Variants in NARS1 observed in about 807,000 individuals in gnomAD.
NARS1 encodes asparaginyl-tRNA synthetase 1.
In NARS1, 65 loss-of-function variants were observed where a neutral mutation model predicts 79.2. The observed-to-expected ratio is 0.82, with a 90% CI of 0.67 to 1.01. The LOEUF (loss-of-function observed/expected upper bound fraction) is 1.01. Ranked by LOEUF, NARS1 falls within the 50% of genes least tolerant of loss-of-function variation. NARS1 has a pLI of 0.00. For synonymous variants in NARS1, 229 were observed against 238.8 expected (o/e 0.96, Z 0.38); for missense variants, 649 against 673.8 (o/e 0.96, Z 0.41).
intron 11 of NARS1, 92 bp downstream of exon 11, chr18:57,605,765 C>A: frequency 2.5e-6 from 2 of 816,060 alleles, no homozygotes; most frequent in South Asian, 1.7e-5. Flanking sequence ...TGAGGACAGG[C>A]AGATGCCACC....
At chr18:57,608,809 A>AT (rs1193054856) in intron 7 of NARS1, among the ~76,000 whole-genome samples, 3 of 152,214 alleles carry the variant, frequency 2.0e-5, no homozygotes, top group Non-Finnish European at 2.9e-5. Flanking sequence ...GCCAGAGAAG[A>AT]TTAACATTTA....
At chr18:57,605,614 A>C (rs2051547610) in intron 11 of NARS1, among the ~76,000 whole-genome samples, 1 of 150,066 alleles carries the variant, frequency 6.7e-6, no homozygotes, top group Non-Finnish European at 1.5e-5. Context: ...CCGTCTCAAA[A>C]AAAAAAAAAA....
rs1468619254 is a variant in NARS1, at chr18:57,602,652, C to A, written c.1383+160G>T. The A allele has an allele frequency of 5.0e-6, 6 of 1,189,030 alleles. No homozygotes were observed. In the Admixed American group the frequency reaches 1.1e-4, roughly 22 times the overall value. 73.7% of individuals were successfully genotyped at this position (1,189,030 alleles called of 1,614,324 possible). ...ATTTCTCTAATTTAACAAAGCATGT[C>A]AACTTCAATCAGGGGAGGGTGAAAA... is the stretch of plus-strand genomic sequence containing the variant. On this transcript the variant is annotated intron_variant, in intron 12 of 13. Transcript: ENST00000256854.
intron 12 of NARS1, 51 bp downstream of exon 12, chr18:57,602,761 C>G (rs1344408119): frequency 5.0e-6 from 8 of 1,587,602 alleles, no homozygotes; most frequent in Non-Finnish European, 6.9e-6. Flanking sequence ...ATGACAGTCC[C>G]CACCCCCTTA....
At chr18:57,607,739 AT>A in intron 7 of NARS1, 74 bp from the exon 8 acceptor site, 2 of 1,268,680 alleles carry the variant, frequency 1.6e-6, no homozygotes, top group Non-Finnish European at 2.2e-6. Flanking sequence ...GAGGATTTTA[AT>A]TTATGTCAAA....
At chr18:57,605,271 AG>A (rs1215694969) in intron 11 of NARS1, among the ~76,000 whole-genome samples, 1 of 151,922 alleles carries the variant, frequency 6.6e-6, no homozygotes, top group Non-Finnish European at 1.5e-5. Context: ...AGAACAATGA[AG>A]GAAGAGGGAA....
In NARS1 at chr18:57,608,160, G is replaced by A. The variant is rs192263771; in HGVS notation, c.580-495C>T. Among the ~76,000 whole-genome samples, 594 of 151,894 alleles carry A rather than the reference G, an allele frequency of 3.9e-3. 4 individuals are homozygous for A. Among genetic ancestry groups the A allele is most frequent in the Non-Finnish European group, 5.1e-3 (349 of 67,950 alleles). ...GGATTACAGGCATGAGCCACCATGC[G>A]CAGCCTGTGCGTTTCCATTTTTAAA... On this transcript the variant is annotated intron_variant, in intron 7 of 13. Transcript: ENST00000256854.
intron 5 of NARS1, among the ~76,000 whole-genome samples, chr18:57,612,011 C>T (rs1035356062): frequency 1.3e-5 from 2 of 152,164 alleles, no homozygotes; most frequent in Non-Finnish European, 2.9e-5. Flanking sequence ...CCTACCTCAG[C>T]CTCCCAAAGC....
intron 6 of NARS1, among the ~76,000 whole-genome samples, 191 bp from the exon 7 acceptor site, chr18:57,609,634 G>GACATATACATGTAAATATAT (rs2051589387): frequency 1.3e-5 from 2 of 152,100 alleles, no homozygotes; most frequent in South Asian, 2.1e-4. Context: ...TCTATATATA[G>GACATATACATGTAAATATAT]ACATATACAT....
At position 57,620,558 on chromosome 18, in the gene NARS1, A is replaced by C. The variant is rs1568167830; in HGVS notation, c.93+11T>G. ...ATGCAGTCTCATTTTCCTAATGAGA[A>C]GAGACTCTACCTTTAGACCTGTTTT... On this transcript the variant is annotated intron_variant, in intron 2 of 13. Coordinates refer to ENST00000256854, the MANE Select transcript of NARS1 (RefSeq NM_004539.4). 7.6e-6 allele frequency: 12 copies of C among 1,579,842 alleles called. No individual in the cohort carries two copies. The highest frequency in any genetic ancestry group is 1.0e-5 in the Non-Finnish European group (12 of 1,154,778).
intron 11 of NARS1, among the ~76,000 whole-genome samples, chr18:57,604,881 G>A (rs2051540311): frequency 6.6e-6 from 1 of 152,108 alleles, no homozygotes; most frequent in Non-Finnish European, 1.5e-5. Context: ...AGATGGAGAT[G>A]CTGTCCCAAA....
At chr18:57,607,949 C>A (rs374737284) in intron 7 of NARS1, among the ~76,000 whole-genome samples, 2 of 151,084 alleles carry the variant, frequency 1.3e-5, no homozygotes, top group Non-Finnish European at 2.9e-5. Flanking sequence ...CTCACAGCAA[C>A]CTCCGCCTCC....
rs766280233 is a variant in NARS1, at chr18:57,607,568, A to C, written c.677T>G (p.Val226Gly). ...ADNLINEESD[V>G]DVQLNNRHMM... The stretch of plus-strand genomic sequence containing the variant: ...GTGTCTGTTGTTGAGCTGGACATCA[A>C]CGTCAGACTCCTCATTGATCAGGTT... Residue 226 changes from valine (V) to glycine (G), a missense_variant, in exon 8 of 14, where the codon GTT becomes GGT. Coordinates refer to ENST00000256854, the MANE Select transcript of NARS1 (RefSeq NM_004539.4). 2 of 1,614,022 alleles carry C rather than the reference A, an allele frequency of 1.2e-6. No individual in the cohort carries two copies. Among genetic ancestry groups the C allele is most frequent in the Admixed American group, 1.7e-5 (1 of 59,984 alleles).
Position 57,601,524 on chromosome 18 carries a change from G to T in NARS1, c.*128C>A. On this transcript the variant is annotated 3_prime_UTR_variant, in exon 14 of 14. Transcript: ENST00000256854. ...CAGGTGATTTGAGATAGTTTTTATG[G>T]TAGTAGAAAGAAAAACAGAAAGAGA... 1 of 885,242 alleles carries T rather than the reference G, an allele frequency of 1.1e-6. No individual in the cohort carries two copies. The highest frequency in any genetic ancestry group is 1.6e-6 in the Non-Finnish European group (1 of 612,418). 54.8% of individuals were successfully genotyped at this position (885,242 alleles called of 1,614,324 possible). A position where few individuals can be genotyped will look rare whatever the true frequency, so the allele number is the denominator to read the frequency against.
rs1907984311 is a variant in NARS1, at chr18:57,615,501, CA to C, written c.342+139del. 2.1e-5 allele frequency: 13 copies of C among 614,656 alleles called. No individual in the cohort carries two copies. The South Asian group carries it at 2.6e-4, about 12-fold the overall frequency. The allele number at this position is 614,656 out of a possible 1,614,324, so 38.1% of individuals were successfully genotyped here. A position where few individuals can be genotyped will look rare whatever the true frequency, so the allele number is the denominator to read the frequency against. On this transcript the variant is annotated intron_variant, in intron 4 of 13. Coordinates refer to ENST00000256854, the MANE Select transcript of NARS1 (RefSeq NM_004539.4). The stretch of plus-strand genomic sequence containing the variant: ...TGGGCGACAGAGCAAGACTCCGTCT[CA>C]AAAATAAATAAATAAATAAATAAAT...
chr18:57,605,687 G>A (rs182520143), intron 11 of NARS1, among the ~76,000 whole-genome samples, 170 bp downstream of exon 11: 152 of 151,696 alleles, frequency 1.0e-3, no homozygotes, highest in African/African-American at 3.5e-3. Context: ...ACTGTCCTAA[G>A]GCTGACTCTG....
Position 57,601,529 on chromosome 18 carries a change from A to T in NARS1, c.*123T>A. 1.0e-6 allele frequency: 1 copy of T among 984,394 alleles called. No homozygotes were observed. Among genetic ancestry groups the T allele is most frequent in the Non-Finnish European group, 1.4e-6 (1 of 700,484 alleles). The allele number at this position is 984,394 out of a possible 1,614,324, so 61.0% of individuals were successfully genotyped here. A position where few individuals can be genotyped will look rare whatever the true frequency, so the allele number is the denominator to read the frequency against. Reference sequence around the variant, plus strand: ...GATTTGAGATAGTTTTTATGGTAGTAGAAAGAAAAACAGAAAGAGAAACCC... The same window carrying T: ...GATTTGAGATAGTTTTTATGGTAGTTGAAAGAAAAACAGAAAGAGAAACCC... On this transcript the variant is annotated 3_prime_UTR_variant, in exon 14 of 14. Coordinates refer to ENST00000256854, the MANE Select transcript of NARS1 (RefSeq NM_004539.4).
chr18:57,621,319 G>A (rs1013771532), intron 1 of NARS1, among the ~76,000 whole-genome samples: 2 of 151,848 alleles, frequency 1.3e-5, no homozygotes, highest in African/African-American at 4.8e-5. Flanking sequence ...AAAAAATGAG[G>A]GTGGGAGAAA....
At chr18:57,605,610 CAA>C (rs11285116) in intron 11 of NARS1, among the ~76,000 whole-genome samples, 66 of 109,612 alleles carry the variant, frequency 6.0e-4, no homozygotes, top group Middle Eastern at 4.6e-3. Flanking sequence ...GACTCCGTCT[CAA>C]AAAAAAAAAA....
Sources: allele counts gnomAD v4.1 joint callset (sites outside exome capture counted in the v4.1 genomes callset), GRCh38; gene constraint gnomAD v4.1.1; transcripts MANE v1.5; gene names NCBI Gene and HGNC (gene_info 2026-07-23, HGNC 2026-07-21).